SGCD: variants seen among roughly 807,000 people sequenced by gnomAD.
SGCD encodes sarcoglycan delta.
A neutral mutation model predicts 36.6 loss-of-function variants in SGCD; 18 were observed. The observed-to-expected ratio is 0.49, with a 90% CI of 0.34 to 0.73. The LOEUF (loss-of-function observed/expected upper bound fraction) is 0.73, where lower values mean the gene tolerates loss of function less well. SGCD is among the 30% of genes least tolerant of loss of function. The pLI is 0.01. For missense variants in SGCD, 387 were observed against 346.7 expected (o/e 1.12, Z -0.92); for synonymous variants, 133 against 130.6 (o/e 1.02, Z -0.12).
intron 3 of SGCD, among the ~76,000 whole-genome samples, chr5:156,142,537 A>G (rs1762605837): frequency 6.6e-6 from 1 of 152,204 alleles, no homozygotes; most frequent in African/African-American, 2.4e-5. Context: ...CAAAATGCTG[A>G]TAGTGATATT....
chr5:156,244,262 GA>G (rs1190257289), intron 3 of SGCD, among the ~76,000 whole-genome samples: 3 of 151,886 alleles, frequency 2.0e-5, no homozygotes, highest in Admixed American at 6.6e-5. Context: ...TGATAGTCAA[GA>G]AAAAAAATTG....
At chr5:156,711,477 GCAC>G (rs1754991733) in intron 7 of SGCD, among the ~76,000 whole-genome samples, 1 of 152,288 alleles carries the variant, frequency 6.6e-6, no homozygotes, top group South Asian at 2.1e-4. Flanking sequence ...AGCATCCCTG[GCAC>G]CCTTCAGTAT....
chr5:156,189,814 G>A (rs1763847087), intron 3 of SGCD, among the ~76,000 whole-genome samples: 1 of 152,132 alleles, frequency 6.6e-6, no homozygotes, highest in Non-Finnish European at 1.5e-5. Context: ...CTTGTGACAG[G>A]AATTTTTTTT....
At position 156,053,197 on chromosome 5, in the gene SGCD, T is replaced by C. The variant is rs1467099508; in HGVS notation, c.-281-64681T>C. On this transcript the variant is annotated intron_variant, in intron 1 of 9. Coordinates refer to the SGCD transcript ENST00000517913. ...CCCTACTTGAGACACCACAGGGTGA[T>C]TGGTGTGTGTGCTCATCCTCAACCC... Among the ~76,000 whole-genome samples the C allele has an allele frequency of 3.4e-5, 5 of 146,302 alleles. 1 individual carries two copies. Among genetic ancestry groups the C allele is most frequent in the East Asian group, 3.9e-4 (2 of 5,182 alleles).
At chr5:155,874,408 A>C (rs1465067280) in intron 1 of SGCD, among the ~76,000 whole-genome samples, 1 of 152,178 alleles carries the variant, frequency 6.6e-6, no homozygotes, top group East Asian at 1.9e-4. Context: ...GACAAAAAGA[A>C]CACAAAAGTA....
chr5:156,146,557 T>G (rs1762713800), intron 3 of SGCD, among the ~76,000 whole-genome samples: 1 of 152,218 alleles, frequency 6.6e-6, no homozygotes, highest in Non-Finnish European at 1.5e-5. Flanking sequence ...GACATATTAC[T>G]TAACATTACA....
chr5:155,862,961 A>C, the SGCD span, among the ~76,000 whole-genome samples: 1 of 152,224 alleles, frequency 6.6e-6, no homozygotes, highest in Non-Finnish European at 1.5e-5. Flanking sequence ...GAGAAAATCC[A>C]GAGGGAAGAT....
intron 1 of SGCD, among the ~76,000 whole-genome samples, chr5:155,899,382 T>C (rs900480274): frequency 1.3e-5 from 2 of 152,204 alleles, no homozygotes; most frequent in Non-Finnish European, 2.9e-5. Flanking sequence ...GTATCTTAGC[T>C]CTAACCCTGG....
the SGCD span, among the ~76,000 whole-genome samples, chr5:155,803,098 C>G: frequency 6.6e-6 from 1 of 152,238 alleles, no homozygotes; most frequent in Non-Finnish European, 1.5e-5. Context: ...TCTAGCTACT[C>G]TGTTCAAGCA....
chr5:156,184,245 T>G (rs1056316954), intron 3 of SGCD, among the ~76,000 whole-genome samples: 1 of 152,062 alleles, frequency 6.6e-6, no homozygotes, highest in Admixed American at 6.5e-5. Flanking sequence ...TTCACACCAT[T>G]AGAAAGTCAA....
chr5:156,696,915 A>AACACACACAC (rs57963416), intron 7 of SGCD, among the ~76,000 whole-genome samples: 39 of 145,178 alleles, frequency 2.7e-4, no homozygotes, highest in African/African-American at 8.4e-4. Flanking sequence ...CCTTACACAC[A>AACACACACAC]ACACACACAC....
At chr5:156,606,239 G>T (rs966300393) in intron 6 of SGCD, among the ~76,000 whole-genome samples, 1 of 152,172 alleles carries the variant, frequency 6.6e-6, no homozygotes, top group Admixed American at 6.5e-5. Context: ...CTAAGGAAGG[G>T]ATCCAGTTTC....
intron 1 of SGCD, among the ~76,000 whole-genome samples, chr5:156,098,437 A>G (rs191692912): frequency 0.013 from 1,904 of 152,264 alleles, 46 homozygotes; most frequent in African/African-American, 0.044. Flanking sequence ...AGCACATACA[A>G]TTCTGTGGAT....
the SGCD span, among the ~76,000 whole-genome samples, chr5:155,857,641 G>A: frequency 1.3e-5 from 2 of 152,164 alleles, no homozygotes; most frequent in South Asian, 2.1e-4. Flanking sequence ...GTGGGGGTGG[G>A]GATGGGTGTA....
the SGCD span, among the ~76,000 whole-genome samples, chr5:155,804,661 T>C: frequency 6.6e-6 from 1 of 152,222 alleles, no homozygotes; most frequent in African/African-American, 2.4e-5. Context: ...CCCTCCAGTT[T>C]ATTCAGTACC....
chr5:155,883,790 T>C (rs1755939244), intron 1 of SGCD, among the ~76,000 whole-genome samples: 1 of 98,112 alleles, frequency 1.0e-5, no homozygotes, highest in Non-Finnish European at 1.8e-5. Flanking sequence ...AACCTTCAAT[T>C]TGCAAAAAAA....
chr5:155,785,775 G>T, the SGCD span, among the ~76,000 whole-genome samples: 1 of 152,108 alleles, frequency 6.6e-6, no homozygotes, highest in African/African-American at 2.4e-5. Context: ...AAAATACCCT[G>T]CTAGTACTTT....
intron 2 of SGCD, among the ~76,000 whole-genome samples, chr5:156,341,350 A>C (rs1423272123): frequency 6.6e-6 from 1 of 151,618 alleles, no homozygotes; most frequent in Non-Finnish European, 1.5e-5. Flanking sequence ...TTTTTTTGCT[A>C]TTTTACACAC....
the SGCD span, among the ~76,000 whole-genome samples, chr5:155,852,828 C>G: frequency 6.6e-6 from 1 of 152,080 alleles, no homozygotes; most frequent in East Asian, 1.9e-4. Context: ...TAAATCACCT[C>G]TCAGTGCATT....
Sources: allele counts gnomAD v4.1 joint callset (sites outside exome capture counted in the v4.1 genomes callset), GRCh38; gene constraint gnomAD v4.1.1; transcripts MANE v1.5; gene names NCBI Gene and HGNC (gene_info 2026-07-23, HGNC 2026-07-21).